The following SMURF2 variants were observed in gnomAD, a reference collection of about 807,000 sequenced individuals.
The protein encoded by SMURF2 is SMAD specific E3 ubiquitin protein ligase 2.
Under a neutral mutation model 109.6 loss-of-function variants are expected in SMURF2, and 48 were observed. The observed-to-expected ratio is 0.44, with a 90% CI of 0.35 to 0.56. The LOEUF is 0.56. Among genes scored for constraint, SMURF2 ranks in the 20% least tolerant of loss-of-function variants. The pLI, the probability that SMURF2 is intolerant of heterozygous loss-of-function variation, is 0.01. For missense variants in SMURF2, 575 were observed against 909.0 expected, an observed-to-expected ratio of 0.63 and a Z score of 4.72; for synonymous variants, 288 against 317.1, an observed-to-expected ratio of 0.91 and a Z score of 0.97.
At position 64,662,109 on chromosome 17, in the gene SMURF2, A is replaced by C. The variant is rs1598323542; in HGVS notation, c.-229T>G. On this transcript the variant is annotated 5_prime_UTR_variant, in exon 1 of 19. Transcript: ENST00000262435. ...CCTTCCTCGGCCCGGGCCGCACAAC[A>C]AAGCGGCAGCCGCGGCCGCCCGCGC... 2 of 1,040,946 alleles carry C rather than the reference A, an allele frequency of 1.9e-6. No homozygotes were observed. The highest frequency in any genetic ancestry group is 2.3e-6 in the Non-Finnish European group (2 of 867,586). 64.5% of individuals were successfully genotyped at this position (1,040,946 alleles called of 1,614,324 possible).
At chr17:64,605,744 A>AATATAT (rs71158333) in intron 2 of SMURF2, among the ~76,000 whole-genome samples, 5,651 of 98,816 alleles carry the variant, frequency 0.057, 200 homozygotes, top group Non-Finnish European at 0.069. Flanking sequence ...CTCTAAAAAG[A>AATATAT]ATATATATAT....
At chr17:64,633,202 C>T (rs575864028) in intron 1 of SMURF2, among the ~76,000 whole-genome samples, 5 of 152,140 alleles carry the variant, frequency 3.3e-5, no homozygotes, top group Non-Finnish European at 5.9e-5. Flanking sequence ...CCCAGGAGGC[C>T]GAGGCTGCAG....
chr17:64,601,483 C>T (rs1555688568), intron 2 of SMURF2, among the ~76,000 whole-genome samples: 1 of 152,108 alleles, frequency 6.6e-6, no homozygotes, highest in African/African-American at 2.4e-5. Context: ...AAATGCAAAT[C>T]AGAACTATAA....
At chr17:64,554,302 T>C (rs1969087766) in intron 15 of SMURF2, among the ~76,000 whole-genome samples, 1 of 152,234 alleles carries the variant, frequency 6.6e-6, no homozygotes, top group Non-Finnish European at 1.5e-5. Flanking sequence ...AGAAGTCATG[T>C]TGGCCAGGAC....
At position 64,543,798 on chromosome 17, in the gene SMURF2, T is replaced by C. The variant is rs546912552; in HGVS notation, c.*2050A>G. On this transcript the variant is annotated 3_prime_UTR_variant, in exon 19 of 19. Coordinates refer to ENST00000262435, the MANE Select transcript of SMURF2 (RefSeq NM_022739.4). ...TATAAACTGCACTAGTGCTTTAATATAAAAGAGAGATGGGTCTGCAACCAG... is the reference window on the plus strand; with the variant it reads ...TATAAACTGCACTAGTGCTTTAATACAAAAGAGAGATGGGTCTGCAACCAG... 96 of 152,316 alleles carry C rather than the reference T, an allele frequency of 6.3e-4. No homozygotes were observed. Among genetic ancestry groups the C allele is most frequent in the African/African-American group, 2.2e-3 (93 of 41,564 alleles). The allele number at this position is 152,316 out of a possible 1,614,324, so 9.4% of individuals were successfully genotyped here. A position where few individuals can be genotyped will look rare whatever the true frequency, so the allele number is the denominator to read the frequency against.
chr17:64,657,057 C>T (rs780245988), intron 1 of SMURF2, among the ~76,000 whole-genome samples: 7 of 152,146 alleles, frequency 4.6e-5, no homozygotes. Flanking sequence ...TATAGCTCTC[C>T]AGCATTCATT....
intron 1 of SMURF2, among the ~76,000 whole-genome samples, chr17:64,661,029 CAG>C (rs1036646509): frequency 2.6e-5 from 4 of 152,136 alleles, no homozygotes; most frequent in Non-Finnish European, 4.4e-5. Flanking sequence ...GGGAGAGTAA[CAG>C]AAAGTTTGCT....
In SMURF2 at chr17:64,640,496, GTC is replaced by G. The variant is rs200299634; in HGVS notation, c.52+21331_52+21332del. ...TTATATAAGGTCTTGGATAAATAGT[GTC>G]TATTTCATTCAAAGTATAATGGAAA... On this transcript the variant is annotated intron_variant, in intron 1 of 18. Coordinates refer to ENST00000262435, the MANE Select transcript of SMURF2 (RefSeq NM_022739.4). Among the ~76,000 whole-genome samples the G allele has an allele frequency of 5.6e-3, 858 of 152,294 alleles. 9 individuals are homozygous for G. The highest frequency in any genetic ancestry group is 0.018 in the African/African-American group (729 of 41,564).
At chr17:64,621,952 C>CACT (rs1161582495) in intron 1 of SMURF2, among the ~76,000 whole-genome samples, 8 of 130,484 alleles carry the variant, frequency 6.1e-5, no homozygotes, top group African/African-American at 2.5e-4. Flanking sequence ...GCCATCATCG[C>CACT]AATAATAATA....
Position 64,586,180 on chromosome 17 carries a change from G to T in SMURF2, c.401-10C>A, listed in dbSNP as rs782810927. The T allele has an allele frequency of 3.2e-6, 5 of 1,565,384 alleles. No individual in the cohort carries two copies. Among genetic ancestry groups the T allele is most frequent in the Admixed American group, 1.7e-5 (1 of 57,944 alleles). Reference sequence around the variant, plus strand: ...CTGGACTGAAGACTTACTATTAAATGACAGAAATATTACTAAGATTCATAC... The same window carrying T: ...CTGGACTGAAGACTTACTATTAAATTACAGAAATATTACTAAGATTCATAC... On this transcript the variant is annotated splice_polypyrimidine_tract_variant and intron_variant, in intron 5 of 18. Transcript: ENST00000262435.
intron 2 of SMURF2, among the ~76,000 whole-genome samples, chr17:64,604,020 T>G (rs1969935410): frequency 6.6e-6 from 1 of 152,242 alleles, no homozygotes; most frequent in Non-Finnish European, 1.5e-5. Context: ...ATAACTGCAC[T>G]GATCAATAAA....
intron 1 of SMURF2, among the ~76,000 whole-genome samples, chr17:64,620,869 C>CA (rs1425192806): frequency 6.6e-6 from 1 of 152,134 alleles, no homozygotes; most frequent in Non-Finnish European, 1.5e-5. Context: ...TAAGGATGTG[C>CA]AAACTAAAAG....
At chr17:64,564,403 G>A (rs573746718) in intron 10 of SMURF2, among the ~76,000 whole-genome samples, 1 of 152,326 alleles carries the variant, frequency 6.6e-6, no homozygotes, top group South Asian at 2.1e-4. Context: ...AAGCAGGTCA[G>A]CAGTTGGCTG....
chr17:64,626,857 C>A (rs782180061), intron 1 of SMURF2, among the ~76,000 whole-genome samples: 4 of 151,664 alleles, frequency 2.6e-5, no homozygotes, highest in Non-Finnish European at 5.9e-5. Flanking sequence ...TAGACAAAAT[C>A]TATATCTAGA....
chr17:64,648,927 T>G (rs1053565013), intron 1 of SMURF2, among the ~76,000 whole-genome samples: 4 of 152,150 alleles, frequency 2.6e-5, no homozygotes, highest in African/African-American at 9.7e-5. Context: ...AGTTCAACTG[T>G]AAAAAATCTC....
intron 9 of SMURF2, among the ~76,000 whole-genome samples, chr17:64,573,410 G>A (rs1555685780): frequency 6.6e-6 from 1 of 152,098 alleles, no homozygotes; most frequent in African/African-American, 2.4e-5. Context: ...TTCCTGAGAT[G>A]ACTTCTCCTT....
rs552291902 is a variant in SMURF2, at chr17:64,661,358, G to GT, written c.52+470dup. On this transcript the variant is annotated intron_variant, in intron 1 of 18. Transcript: ENST00000262435. The stretch of plus-strand genomic sequence containing the variant: ...GCGGGCATAACTGGGTGTGTGCAAG[G>GT]TAACAACCCGGGAACACACACGCAC... Among the ~76,000 whole-genome samples the GT allele has an allele frequency of 7.8e-3, 1,188 of 152,190 alleles. 18 individuals are homozygous for GT. The highest frequency in any genetic ancestry group is 0.011 in the Non-Finnish European group (779 of 67,998).
intron 1 of SMURF2, among the ~76,000 whole-genome samples, chr17:64,632,913 G>A (rs1970369466): frequency 6.6e-6 from 1 of 152,212 alleles, no homozygotes; most frequent in Non-Finnish European, 1.5e-5. Context: ...GATTAAGTGA[G>A]ATGACTTAGG....
intron 2 of SMURF2, among the ~76,000 whole-genome samples, chr17:64,604,550 C>T (rs377379398): frequency 1.3e-5 from 2 of 151,972 alleles, no homozygotes; most frequent in South Asian, 2.1e-4. Flanking sequence ...TCTTGGGACT[C>T]GAGAGGAAGG....
Sources: allele counts gnomAD v4.1 joint callset (sites outside exome capture counted in the v4.1 genomes callset), GRCh38; gene constraint gnomAD v4.1.1; transcripts MANE v1.5; gene names NCBI Gene and HGNC (gene_info 2026-07-23, HGNC 2026-07-21).